Variants in PDLIM7 observed in about 807,000 individuals in gnomAD.
PDLIM7 encodes PDZ and LIM domain 7.
PDLIM7 carries 37 observed loss-of-function variants against 53.9 expected under a neutral mutation model. That is an observed-to-expected ratio of 0.69 (90% CI 0.53 to 0.90). The LOEUF (loss-of-function observed/expected upper bound fraction) is 0.90, where lower values mean the gene tolerates loss of function less well. PDLIM7 is among the 40% of genes least tolerant of loss of function. PDLIM7 has a pLI of 0.00. For missense variants in PDLIM7, 617 were observed against 638.5 expected (o/e 0.97, Z 0.36); for synonymous variants, 300 against 261.3 (o/e 1.15, Z -1.43).
In PDLIM7 at chr5:177,489,512, G is replaced by T; in HGVS notation, c.750C>A (p.Ala250=). ...STVLTRHSQP[A]TPTPLQSRTS... Reference sequence around the variant, plus strand: ...TGCGGCTCTGCAGCGGCGTGGGCGTGGCCGGCTGGCTGTGCCGGGTCAGCA... The same window carrying T: ...TGCGGCTCTGCAGCGGCGTGGGCGTTGCCGGCTGGCTGTGCCGGGTCAGCA... Residue 250 remains alanine (A), a synonymous_variant, in exon 9 of 13, where the codon GCC becomes GCA. Transcript: ENST00000355841. 1 of 1,605,354 alleles carries T rather than the reference G, an allele frequency of 6.2e-7. No individual in the cohort carries two copies. The highest frequency in any genetic ancestry group is 8.5e-7 in the Non-Finnish European group (1 of 1,175,208).
At chr5:177,488,950 G>T (rs1350113701) in intron 9 of PDLIM7, among the ~76,000 whole-genome samples, 2 of 152,170 alleles carry the variant, frequency 1.3e-5, no homozygotes, top group Admixed American at 1.3e-4. Context: ...AATTAGGAAG[G>T]CTCTAGAATC....
chr5:177,493,012 A>C, intron 2 of PDLIM7: 1 of 316,838 alleles, frequency 3.2e-6, no homozygotes, highest in Non-Finnish European at 6.0e-6. Flanking sequence ...GATGTCCACA[A>C]ACAGCCACGC....
Position 177,496,202 on chromosome 5 carries a change from T to G in PDLIM7, c.96+215A>C, listed in dbSNP as rs1050315012. On this transcript the variant is annotated intron_variant, in intron 2 of 12. Transcript: ENST00000355841. ...AGGAGCTTGGGAGAACAGCATCGGG[T>G]ACAGTGCAGGGCTGGAGAAGCCTGG... 2.0e-4 allele frequency among the ~76,000 whole-genome samples: 31 copies of G among 152,070 alleles called. 1 individual carries two copies.
chr5:177,485,427 G>A (rs887594288), intron 10 of PDLIM7, among the ~76,000 whole-genome samples: 3 of 152,196 alleles, frequency 2.0e-5, no homozygotes, highest in African/African-American at 4.8e-5. Flanking sequence ...GCCTCGAGGC[G>A]GTATGAGGGT....
chr5:177,490,571 G>A, intron 7 of PDLIM7: 1 of 1,558,840 alleles, frequency 6.4e-7, no homozygotes, highest in South Asian at 1.2e-5. Flanking sequence ...CGTGGGCTCT[G>A]CAGCTCCAGG....
chr5:177,490,503 C>A (rs367787761), intron 7 of PDLIM7: 21 of 1,558,584 alleles, frequency 1.3e-5, no homozygotes, highest in Non-Finnish European at 1.8e-5. Context: ...CGGGCTACGA[C>A]TGCACGTTGA....
chr5:177,496,287 T>C (rs1759065968), intron 2 of PDLIM7, 130 bp downstream of exon 2: 1 of 615,436 alleles, frequency 1.6e-6, no homozygotes, highest in Non-Finnish European at 2.7e-6. Flanking sequence ...TACCACTACA[T>C]CTCCGGACCT....
At chr5:177,490,517 C>T (rs1455690436) in intron 7 of PDLIM7, 53 of 1,562,622 alleles carry the variant, frequency 3.4e-5, no homozygotes, top group East Asian at 1.9e-4. Flanking sequence ...ACGTTGAGCA[C>T]GTGGGCAGAG....
At chr5:177,495,399 C>T (rs936647170) in intron 2 of PDLIM7, among the ~76,000 whole-genome samples, 1 of 152,184 alleles carries the variant, frequency 6.6e-6, no homozygotes, top group African/African-American at 2.4e-5. Context: ...AGCTGCCTGC[C>T]CACCCGGCGC....
intron 9 of PDLIM7, among the ~76,000 whole-genome samples, chr5:177,489,177 C>T (rs942120142): frequency 2.6e-5 from 4 of 152,216 alleles, no homozygotes; most frequent in South Asian, 2.1e-4. Context: ...GGCTATTTCG[C>T]CACGGCAGAT....
At chr5:177,490,514 G>A (rs201194567) in intron 7 of PDLIM7, 265 of 1,561,858 alleles carry the variant, frequency 1.7e-4, no homozygotes, top group Non-Finnish European at 1.7e-4. Flanking sequence ...TGCACGTTGA[G>A]CACGTGGGCA....
At chr5:177,486,172 GC>G (rs1483863740) in intron 10 of PDLIM7, among the ~76,000 whole-genome samples, 2 of 151,780 alleles carry the variant, frequency 1.3e-5, no homozygotes, top group Admixed American at 6.6e-5. Context: ...TCCCACCTTG[GC>G]CTCCCAAAGT....
At chr5:177,490,339 C>T in intron 7 of PDLIM7, 1 of 1,451,922 alleles carries the variant, frequency 6.9e-7, no homozygotes, top group Non-Finnish European at 9.0e-7. Flanking sequence ...GTCAGATGAA[C>T]CCAGGTGGGC....
At chr5:177,496,612 G>A (rs1759086106) in intron 1 of PDLIM7, 89 bp from the exon 2 acceptor site, 2 of 873,252 alleles carry the variant, frequency 2.3e-6, no homozygotes, top group Non-Finnish European at 3.3e-6. Flanking sequence ...GCCTTGGACA[G>A]GGGCCAGGCA....
Position 177,491,932 on chromosome 5 carries a change from A to C in PDLIM7, c.280-7T>G, listed in dbSNP as rs572131257. 79 of 447,246 alleles carry C rather than the reference A, an allele frequency of 1.8e-4. No homozygotes were observed. The highest frequency in any genetic ancestry group is 9.2e-4 in the Middle Eastern group (1 of 1,090). The allele number at this position is 447,246 out of a possible 1,614,324, so 27.7% of individuals were successfully genotyped here. ...CCGCGGCGGGGGCGGAGGCCTGGGC[A>C]GAGACACAGCCGGGCAGGGCGGGCG... is the stretch of plus-strand genomic sequence containing the variant. On this transcript the variant is annotated splice_polypyrimidine_tract_variant and splice_region_variant and intron_variant, in intron 4 of 12. Coordinates refer to ENST00000355841, the MANE Select transcript of PDLIM7 (RefSeq NM_005451.5).
At chr5:177,496,585 G>T in intron 1 of PDLIM7, 62 bp from the exon 2 acceptor site, 1 of 1,215,962 alleles carries the variant, frequency 8.2e-7, no homozygotes, top group Non-Finnish European at 1.1e-6. Flanking sequence ...GGCAGGCCGG[G>T]CCAGCTCAGG....
In PDLIM7 at chr5:177,483,972, C is replaced by G. The variant is rs568424833; in HGVS notation, c.1182G>C (p.Lys394Asn). The G allele has an allele frequency of 6.2e-7, 1 of 1,613,854 alleles. No individual in the cohort carries two copies. Among genetic ancestry groups the G allele is most frequent in the Non-Finnish European group, 8.5e-7 (1 of 1,179,876 alleles). ...AGCCATGGCATTTCGTGCCAAACAT[C>G]TTCTCATAGTCTGAGAATGGGGGCA... is the stretch of plus-strand genomic sequence containing the variant. ...GVPYCERDYE[K>N]MFGTKCHGCD... The change falls in exon 12 of 13, where the codon AAG (lysine) becomes AAC (asparagine). Residue 394 changes from lysine to asparagine, a missense_variant. Physicochemically the swap from Lys to Asn is moderately conservative, Grantham distance 94 (BLOSUM62 0). Coordinates refer to ENST00000355841, the MANE Select transcript of PDLIM7 (RefSeq NM_005451.5).
intron 10 of PDLIM7, among the ~76,000 whole-genome samples, chr5:177,486,963 TTTTTG>T (rs1758495018): frequency 3.2e-5 from 2 of 62,616 alleles, no homozygotes; most frequent in Middle Eastern, 0.015. Context: ...TTTTTTTTTT[TTTTTG>T]CTGTCTCCCA....
chr5:177,488,048 C>T lies in PDLIM7; in HGVS notation c.1050+20G>A, dbSNP rs114060135. 6.1e-4 allele frequency: 952 copies of T among 1,560,948 alleles called. 6 individuals are homozygous for T. In the African/African-American group the frequency reaches 0.011, roughly 19 times the overall value. ...ACTGACAGGCTTGGGACCACCTCCCCGCCAGCCAGCCCTACTCACGCCTGT... is the reference window on the plus strand; with the variant it reads ...ACTGACAGGCTTGGGACCACCTCCCTGCCAGCCAGCCCTACTCACGCCTGT... On this transcript the variant is annotated intron_variant, in intron 10 of 12. Transcript: ENST00000355841.
Sources: gnomAD v4.1 joint callset for allele counts (sites outside exome capture counted in the v4.1 genomes callset) on GRCh38, gnomAD v4.1.1 for gene constraint, MANE v1.5 for transcripts, NCBI Gene and HGNC (gene_info 2026-07-23, HGNC 2026-07-21) for gene names.